Variants in KANK1 observed in about 807,000 individuals in gnomAD.
KANK1 encodes the protein KN motif and ankyrin repeat domains 1, also known as KN motif and ankyrin repeat domain-containing protein 1.
A neutral mutation model predicts 106.2 loss-of-function variants in KANK1; 109 were observed. The observed-to-expected ratio is 1.03, with a 90% CI of 0.88 to 1.20. The LOEUF is 1.20. Ranked by LOEUF, KANK1 falls within the 50% of genes most tolerant of loss-of-function variation. The pLI is 0.00. For synonymous variants in KANK1, 873 were observed against 652.2 expected, an observed-to-expected ratio of 1.34 and a Z score of -5.16; for missense variants, 2,399 against 1,710.7, an observed-to-expected ratio of 1.40 and a Z score of -7.10.
intron 2 of KANK1, chr9:471,695 G>T (rs2058024400): frequency 6.6e-6 from 1 of 152,296 alleles, no homozygotes; most frequent in African/African-American, 2.4e-5. Context: ...TTGAGGCCAG[G>T]GGTTCGAAAC....
At position 726,133 on chromosome 9, in the gene KANK1, T is replaced by C. The variant is rs184557702; in HGVS notation, c.2699-3918T>C. Reference sequence around the variant, plus strand: ...GGCAGCAATGAGAACAAAACCTCTTTTGTATTTTTTTTTCCCATGAGTCAA... The same window carrying C: ...GGCAGCAATGAGAACAAAACCTCTTCTGTATTTTTTTTTCCCATGAGTCAA... On this transcript the variant is annotated intron_variant, in intron 3 of 11. Transcript: ENST00000382297. Among the ~76,000 whole-genome samples the C allele has an allele frequency of 1.5e-3, 226 of 152,238 alleles. 1 individual carries two copies. Among genetic ancestry groups the C allele is most frequent in the Admixed American group, 4.1e-3 (62 of 15,280 alleles).
chr9:698,511 CAG>C (rs890106122), intron 2 of KANK1, among the ~76,000 whole-genome samples: 2 of 152,122 alleles, frequency 1.3e-5, no homozygotes, highest in Non-Finnish European at 2.9e-5. Flanking sequence ...AATGAGGTAA[CAG>C]AGCCCTAGAA....
intron 4 of KANK1, chr9:730,850 C>T (rs986318504): frequency 9.1e-6 from 2 of 219,806 alleles, no homozygotes; most frequent in African/African-American, 4.7e-5. Flanking sequence ...GTAAATGGTC[C>T]TTGAGGCTCG....
chr9:744,927 G>T, intron 11 of KANK1: 1 of 1,426,426 alleles, frequency 7.0e-7, no homozygotes, highest in Non-Finnish European at 9.1e-7. Context: ...CAGATGGCAG[G>T]CAGCCTGTAG....
At chr9:597,624 A>G (rs1273034688) in intron 1 of KANK1, among the ~76,000 whole-genome samples, 1 of 151,462 alleles carries the variant, frequency 6.6e-6, no homozygotes, top group Non-Finnish European at 1.5e-5. Context: ...TGTGATTTGC[A>G]CATAGTTTTT....
At chr9:718,836 T>G (rs957786878) in intron 3 of KANK1, among the ~76,000 whole-genome samples, 1 of 152,178 alleles carries the variant, frequency 6.6e-6, no homozygotes, top group Non-Finnish European at 1.5e-5. Flanking sequence ...CAAAGCTACA[T>G]GCTTTTCCTC....
chr9:504,367 T>C (rs1447179623), upstream of KANK1, among the ~76,000 whole-genome samples: 1 of 151,670 alleles, frequency 6.6e-6, no homozygotes, highest in African/African-American at 2.4e-5. Context: ...GCGACGAAGG[T>C]GCACGAAGGT....
intron 1 of KANK1, among the ~76,000 whole-genome samples, chr9:535,790 C>A (rs1427293736): frequency 1.3e-5 from 2 of 152,134 alleles, no homozygotes; most frequent in African/African-American, 4.8e-5. Context: ...GTTCTCTCTA[C>A]CATGCTCGTC....
chr9:487,257 C>T (rs572740983), intron 3 of KANK1, among the ~76,000 whole-genome samples: 25 of 152,304 alleles, frequency 1.6e-4, no homozygotes, highest in African/African-American at 5.8e-4. Flanking sequence ...TCAGTAGAAA[C>T]CACACTGCAA....
chr9:561,185 G>T (rs1030901078), intron 1 of KANK1, among the ~76,000 whole-genome samples: 1 of 152,132 alleles, frequency 6.6e-6, no homozygotes, highest in Non-Finnish European at 1.5e-5. Context: ...CTCAACTTCA[G>T]GGGGGCAGGA....
chr9:665,242 A>G (rs965687148), intron 1 of KANK1, among the ~76,000 whole-genome samples: 1 of 152,176 alleles, frequency 6.6e-6, no homozygotes, highest in African/African-American at 2.4e-5. Context: ...ATTTTTGCCC[A>G]GACCAATGTC....
rs1229113808 is a variant in KANK1, at chr9:616,795, C to A, written c.-83-60095C>A. ...GGAGCAGCCTCTGCTTATGTCGCTG[C>A]TGTTCTTTATAGCAGAGGAAGGAAA... On this transcript the variant is annotated intron_variant, in intron 1 of 11. Coordinates refer to ENST00000382297, the MANE Select transcript of KANK1 (RefSeq NM_015158.5). 2.0e-5 allele frequency among the ~76,000 whole-genome samples: 3 copies of A among 152,176 alleles called. 1 individual carries two copies. In the South Asian group the frequency reaches 6.2e-4, roughly 32 times the overall value.
intron 3 of KANK1, among the ~76,000 whole-genome samples, chr9:475,651 G>A (rs891869387): frequency 1.6e-4 from 25 of 151,946 alleles, no homozygotes; most frequent in Non-Finnish European, 1.5e-5. Flanking sequence ...GTCTGACTCT[G>A]GCATAATATT....
intron 1 of KANK1, among the ~76,000 whole-genome samples, chr9:513,759 A>G (rs536335018): frequency 1.3e-5 from 2 of 152,318 alleles, no homozygotes; most frequent in African/African-American, 4.8e-5. Context: ...CAATTAGAAC[A>G]AAAGTAGATA....
At chr9:668,842 CAGGCATT>C (rs1845262011) in intron 1 of KANK1, among the ~76,000 whole-genome samples, 2 of 152,082 alleles carry the variant, frequency 1.3e-5, no homozygotes, top group African/African-American at 4.8e-5. Flanking sequence ...CTCAGATCAT[CAGGCATT>C]AGATCCTCAT....
At chr9:584,963 C>A (rs1238131642) in intron 1 of KANK1, among the ~76,000 whole-genome samples, 2 of 152,216 alleles carry the variant, frequency 1.3e-5, no homozygotes, top group African/African-American at 4.8e-5. Context: ...CATCCTGTAT[C>A]TGCCATTTTG....
intron 1 of KANK1, among the ~76,000 whole-genome samples, chr9:522,722 T>C (rs1262448355): frequency 6.6e-6 from 1 of 151,678 alleles, no homozygotes; most frequent in African/African-American, 2.4e-5. Flanking sequence ...TGAGTGACTT[T>C]GGTATCTCAT....
chr9:582,167 C>T (rs115518103), intron 1 of KANK1, among the ~76,000 whole-genome samples: 1 of 152,124 alleles, frequency 6.6e-6, no homozygotes, highest in African/African-American at 2.4e-5. Flanking sequence ...GGCCAGTTCC[C>T]CACGTAGAGG....
chr9:542,950 A>G (rs2060697904), intron 1 of KANK1, among the ~76,000 whole-genome samples: 1 of 152,090 alleles, frequency 6.6e-6, no homozygotes, highest in African/African-American at 2.4e-5. Context: ...TAAGTTAAAT[A>G]TGTTCTGGAG....
Sources: allele counts gnomAD v4.1 joint callset (sites outside exome capture counted in the v4.1 genomes callset), GRCh38; gene constraint gnomAD v4.1.1; transcripts MANE v1.5; gene names NCBI Gene and HGNC (gene_info 2026-07-23, HGNC 2026-07-21).